The following TENM2 variants were observed in gnomAD, a reference collection of about 807,000 sequenced individuals.
TENM2 encodes teneurin transmembrane protein 2.
TENM2 carries 52 observed loss-of-function variants against 245.2 expected under a neutral mutation model. The ratio of observed to expected loss-of-function variants is 0.21; its 90% CI spans 0.17 to 0.27. TENM2 has a LOEUF of 0.27. Among genes scored for constraint, TENM2 ranks in the 10% least tolerant of loss-of-function variants. TENM2 has a pLI of 1.00. For missense variants in TENM2, 3,046 were observed against 3,666.8 expected (o/e 0.83, Z 4.37); for synonymous variants, 1,363 against 1,438.9 (o/e 0.95, Z 1.19).
rs117849390 is a variant in TENM2 at position 167,566,707 on chromosome 5, A to G, written c.502+191234A>G. 7.9e-4 allele frequency among the ~76,000 whole-genome samples: 120 copies of G among 152,302 alleles called. 1 individual carries two copies. In the East Asian group the frequency reaches 0.021, roughly 26 times the overall value. ...GAGAAACATCAGTAACAAGAACCAA[A>G]TAGTCCACCAAAGCCTGTATTCAAC... On this transcript the variant is annotated intron_variant, in intron 2 of 28. Transcript: ENST00000518659.
chr5:167,212,286 A>C, the TENM2 span, among the ~76,000 whole-genome samples: 1 of 152,168 alleles, frequency 6.6e-6, no homozygotes, highest in African/African-American at 2.4e-5. Flanking sequence ...TCTCACCAAG[A>C]ACAGCATCAA....
intron 2 of TENM2, among the ~76,000 whole-genome samples, chr5:167,447,348 T>G (rs1765292117): frequency 6.6e-6 from 1 of 152,258 alleles, no homozygotes; most frequent in African/African-American, 2.4e-5. Flanking sequence ...CTATATGATG[T>G]GTACTTGGTT....
At chr5:167,121,322 T>C in the TENM2 span, among the ~76,000 whole-genome samples, 2 of 152,148 alleles carry the variant, frequency 1.3e-5, no homozygotes, top group African/African-American at 4.8e-5. Context: ...AACCTGGCAG[T>C]GGGGTGGCCA....
chr5:167,575,838 A>G (rs113409060), intron 2 of TENM2, among the ~76,000 whole-genome samples: 235 of 152,334 alleles, frequency 1.5e-3, no homozygotes, highest in Non-Finnish European at 2.8e-3. Flanking sequence ...TCAGCTTAAG[A>G]AACTTTGCAG....
chr5:167,751,185 A>G (rs78353405), intron 2 of TENM2, among the ~76,000 whole-genome samples: 3,336 of 152,282 alleles, frequency 0.022, 120 homozygotes, highest in African/African-American at 0.077. Flanking sequence ...ACAAGGTTTC[A>G]TGGATCACCT....
chr5:167,474,938 C>T (rs192425266), intron 2 of TENM2, among the ~76,000 whole-genome samples: 48 of 152,242 alleles, frequency 3.2e-4, no homozygotes, highest in Admixed American at 2.5e-3. Flanking sequence ...TTACTGATTT[C>T]GGTTTAATCA....
chr5:167,932,009 A>C (rs1561949904), intron 3 of TENM2, among the ~76,000 whole-genome samples: 1 of 152,210 alleles, frequency 6.6e-6, no homozygotes, highest in Non-Finnish European at 1.5e-5. Flanking sequence ...CGAGATATAA[A>C]ACACCAGAGA....
At chr5:167,509,178 G>C (rs577200940) in intron 2 of TENM2, among the ~76,000 whole-genome samples, 1 of 152,266 alleles carries the variant, frequency 6.6e-6, no homozygotes, top group South Asian at 2.1e-4. Context: ...CATTCTTCTT[G>C]TCTATATTTT....
At chr5:167,537,263 A>AG (rs1423756070) in intron 2 of TENM2, among the ~76,000 whole-genome samples, 1 of 151,722 alleles carries the variant, frequency 6.6e-6, no homozygotes, top group Admixed American at 6.6e-5. Context: ...AAAAAAAAAA[A>AG]AAAAAGCCAG....
intron 3 of TENM2, among the ~76,000 whole-genome samples, chr5:167,894,313 T>C (rs1006450567): frequency 1.3e-5 from 2 of 152,182 alleles, no homozygotes; most frequent in Admixed American, 6.5e-5. Flanking sequence ...TACCTAACAA[T>C]CAGGCCAAAC....
the TENM2 span, among the ~76,000 whole-genome samples, chr5:167,029,091 C>T: frequency 1.3e-5 from 2 of 152,252 alleles, no homozygotes; most frequent in South Asian, 2.1e-4. Context: ...AGTTAAACAA[C>T]ACTGTACTTA....
chr5:167,938,296 A>C (rs1202354056), intron 3 of TENM2, among the ~76,000 whole-genome samples: 1 of 152,204 alleles, frequency 6.6e-6, no homozygotes, highest in South Asian at 2.1e-4. Context: ...CAGAATAGTG[A>C]CTTAGCCTTG....
At chr5:167,899,076 A>C (rs1395016037) in intron 3 of TENM2, among the ~76,000 whole-genome samples, 1 of 152,154 alleles carries the variant, frequency 6.6e-6, no homozygotes, top group African/African-American at 2.4e-5. Flanking sequence ...AATGAGAAAC[A>C]CTGAGAGAGA....
At chr5:167,431,704 A>G (rs1199099894) in intron 2 of TENM2, among the ~76,000 whole-genome samples, 1 of 151,844 alleles carries the variant, frequency 6.6e-6, no homozygotes, top group Non-Finnish European at 1.5e-5. Flanking sequence ...TGTACATATT[A>G]ATCATAACTT....
At position 168,211,808 on chromosome 5, in the gene TENM2, G is replaced by A. The variant is rs940821496; in HGVS notation, c.3845+54G>A. ...TTTGATATGGTTCGTTTGCTTCCTT[G>A]TGTTTGCTTTTTTTGTTTTGTGCTT... On this transcript the variant is annotated intron_variant, in intron 20 of 28. Coordinates refer to ENST00000518659, the Ensembl canonical transcript of TENM2. 4 of 1,172,816 alleles carry A rather than the reference G, an allele frequency of 3.4e-6. No homozygotes were observed. In the African/African-American group the frequency reaches 6.3e-5, roughly 19 times the overall value. The allele number at this position is 1,172,816 out of a possible 1,614,324, so 72.7% of individuals were successfully genotyped here.
chr5:167,690,523 A>G (rs554379070), intron 2 of TENM2, among the ~76,000 whole-genome samples: 1 of 152,334 alleles, frequency 6.6e-6, no homozygotes, highest in Admixed American at 6.5e-5. Context: ...GGCACTGAAC[A>G]GAGAGAGCTG....
chr5:167,967,841 A>G (rs1410087441), intron 4 of TENM2, among the ~76,000 whole-genome samples: 1 of 152,194 alleles, frequency 6.6e-6, no homozygotes, highest in Non-Finnish European at 1.5e-5. Context: ...ATCAACTGTC[A>G]TTCCCTTGAG....
intron 5 of TENM2, among the ~76,000 whole-genome samples, chr5:168,029,311 G>A (rs763291244): frequency 1.3e-5 from 2 of 152,124 alleles, no homozygotes; most frequent in African/African-American, 2.4e-5. Context: ...CCATTGGTCA[G>A]CTACTCTTTC....
At chr5:167,541,198 C>A (rs2127604486) in intron 2 of TENM2, among the ~76,000 whole-genome samples, 1 of 152,224 alleles carries the variant, frequency 6.6e-6, no homozygotes, top group Non-Finnish European at 1.5e-5. Flanking sequence ...AAGTAGCTAG[C>A]AAAAATGTAT....
Sources: gnomAD v4.1 joint callset for allele counts (sites outside exome capture counted in the v4.1 genomes callset) on GRCh38, gnomAD v4.1.1 for gene constraint, MANE v1.5 for transcripts, NCBI Gene and HGNC (gene_info 2026-07-23, HGNC 2026-07-21) for gene names.